The following UAP1 variants were observed in gnomAD, a reference collection of about 807,000 sequenced individuals.
The protein encoded by UAP1 is UDP-N-acetylglucosamine pyrophosphorylase 1.
A neutral mutation model predicts 58.5 loss-of-function variants in UAP1; 25 were observed. That is an observed-to-expected ratio of 0.43 (90% CI 0.31 to 0.60). UAP1 has a LOEUF of 0.60. Among genes scored for constraint, UAP1 ranks in the 20% least tolerant of loss-of-function variants. The pLI is 0.11. For missense variants in UAP1, 575 were observed against 630.0 expected, an observed-to-expected ratio of 0.91 and a Z score of 0.93; for synonymous variants, 208 against 213.0, an observed-to-expected ratio of 0.98 and a Z score of 0.21.
At chr1:162,576,146 A>G (rs970630537) in intron 2 of UAP1, among the ~76,000 whole-genome samples, 1 of 152,178 alleles carries the variant, frequency 6.6e-6, no homozygotes, top group East Asian at 1.9e-4. Context: ...GTTCTCGCCC[A>G]TTATACTTTA....
At chr1:162,575,056 A>C (rs1031392119) in intron 2 of UAP1, among the ~76,000 whole-genome samples, 1 of 152,132 alleles carries the variant, frequency 6.6e-6, no homozygotes, top group African/African-American at 2.4e-5. Context: ...CCCATTTTTT[A>C]AAAAGGCATT....
At chr1:162,578,156 A>C (rs182961090) in intron 3 of UAP1, among the ~76,000 whole-genome samples, 4 of 152,122 alleles carry the variant, frequency 2.6e-5, no homozygotes, top group Non-Finnish European at 5.9e-5. Flanking sequence ...TGAGGGGAAA[A>C]TCAGCTGTGT....
chr1:162,588,486 G>A (rs186048879), intron 6 of UAP1, among the ~76,000 whole-genome samples: 54 of 152,226 alleles, frequency 3.5e-4, no homozygotes, highest in African/African-American at 7.9e-4. Flanking sequence ...TTTTAGTGGA[G>A]ACTGTTATTT....
At chr1:162,600,102 T>A (rs1655845614), downstream of UAP1, among the ~76,000 whole-genome samples, 1 of 152,208 alleles carries the variant, frequency 6.6e-6, no homozygotes, top group Non-Finnish European at 1.5e-5. Context: ...GAAAGTGAAG[T>A]GGTACCACTG....
intron 7 of UAP1, among the ~76,000 whole-genome samples, chr1:162,589,682 G>A (rs2101822759): frequency 6.6e-6 from 1 of 152,164 alleles, no homozygotes; most frequent in Admixed American, 6.6e-5. Flanking sequence ...CAAATAAGCT[G>A]TATAAAATTA....
chr1:162,597,808 G>A, exon 10 of UAP1: 1 of 1,613,126 alleles, frequency 6.2e-7, no homozygotes, highest in Non-Finnish European at 8.5e-7. Context: ...GGATGCCAAT[G>A]ATGTACCAAT....
chr1:162,575,099 C>T (rs539543162), intron 2 of UAP1, among the ~76,000 whole-genome samples: 56 of 152,242 alleles, frequency 3.7e-4, no homozygotes, highest in African/African-American at 1.0e-3. Flanking sequence ...GACAGAGTCC[C>T]GCTGTGTTGC....
intron 9 of UAP1, 125 bp from the exon 10 acceptor site, chr1:162,597,667 A>G: frequency 7.0e-6 from 5 of 713,318 alleles, no homozygotes; most frequent in Middle Eastern, 2.5e-4. Context: ...GGTAGCATCT[A>G]TTCCATTTGT....
At chr1:162,589,153 A>G (rs1335634143) in intron 7 of UAP1, among the ~76,000 whole-genome samples, 1 of 92,524 alleles carries the variant, frequency 1.1e-5, no homozygotes, top group Admixed American at 1.8e-4. Flanking sequence ...TATATAATAT[A>G]TATTATATAT....
At chr1:162,595,973 T>A (rs1490308000) in intron 9 of UAP1, among the ~76,000 whole-genome samples, 1 of 152,030 alleles carries the variant, frequency 6.6e-6, no homozygotes, top group African/African-American at 2.4e-5. Flanking sequence ...TGCCTCAGCC[T>A]CCTGAGTAGC....
chr1:162,592,791 A>G lies in UAP1; in HGVS notation c.1409+9A>G. 4 of 1,548,902 alleles carry G rather than the reference A, an allele frequency of 2.6e-6. No individual in the cohort carries two copies. Among genetic ancestry groups the G allele is most frequent in the Non-Finnish European group, 2.6e-6 (3 of 1,145,378 alleles). ...GCTGATGTCAATCACAAGTAAATAT[A>G]CCAGCCTGCCTACAGTGCATGGTGA... On this transcript the variant is annotated intron_variant, in intron 9 of 10. Transcript: ENST00000271469.
intron 5 of UAP1, among the ~76,000 whole-genome samples, chr1:162,582,982 A>G (rs1248969954): frequency 1.4e-5 from 2 of 146,468 alleles, no homozygotes; most frequent in African/African-American, 5.0e-5. Flanking sequence ...TCTGAACTGT[A>G]TTTTTTTTTT....
chr1:162,562,646 G>A (rs973052194), intron 1 of UAP1: 2 of 152,150 alleles, frequency 1.3e-5, no homozygotes, highest in African/African-American at 4.8e-5. Context: ...AGGACTTTTA[G>A]GTGAAATTCA....
exon 8 of UAP1, chr1:162,590,370 T>A: frequency 6.2e-7 from 1 of 1,613,490 alleles, no homozygotes; most frequent in African/African-American, 1.3e-5. Context: ...TTTTCCCCAC[T>A]AAAGAATGCT....
intron 10 of UAP1, among the ~76,000 whole-genome samples, chr1:162,598,983 G>A (rs1412851576): frequency 3.3e-5 from 5 of 150,698 alleles, no homozygotes; most frequent in Admixed American, 6.6e-5. Context: ...AGACTACTCC[G>A]TCTCAAAAAA....
intron 2 of UAP1, among the ~76,000 whole-genome samples, chr1:162,568,040 C>T (rs776932976): frequency 6.6e-6 from 1 of 152,150 alleles, no homozygotes; most frequent in African/African-American, 2.4e-5. Flanking sequence ...TCAAGTGATC[C>T]GCCCACCTGG....
intron 8 of UAP1, among the ~76,000 whole-genome samples, chr1:162,590,924 ATTTT>A (rs529871740): frequency 1.6e-5 from 2 of 126,744 alleles, no homozygotes; most frequent in African/African-American, 2.9e-5. Flanking sequence ...CCTCACCACT[ATTTT>A]TTTTTTTTTT....
At chr1:162,572,557 T>C (rs1291482414) in intron 2 of UAP1, among the ~76,000 whole-genome samples, 2 of 152,210 alleles carry the variant, frequency 1.3e-5, no homozygotes, top group South Asian at 2.1e-4. Context: ...GTTGGCACCA[T>C]GTTAAGAGTA....
intron 2 of UAP1, among the ~76,000 whole-genome samples, chr1:162,574,719 A>T (rs1387815796): frequency 6.6e-6 from 1 of 152,100 alleles, no homozygotes; most frequent in Admixed American, 6.6e-5. Flanking sequence ...TCTTCTCACA[A>T]GCTACTCTGC....
Sources: allele counts gnomAD v4.1 joint callset (sites outside exome capture counted in the v4.1 genomes callset), GRCh38; gene constraint gnomAD v4.1.1; transcripts MANE v1.5; gene names NCBI Gene and HGNC (gene_info 2026-07-23, HGNC 2026-07-21).